The following IGSF10 variants were observed in gnomAD, a reference collection of about 807,000 sequenced individuals.
IGSF10 encodes the protein calvaria mechanical force protein 608.
In IGSF10, 126 loss-of-function variants were observed where a neutral mutation model predicts 128.2. The observed-to-expected ratio is 0.98, with a 90% CI of 0.85 to 1.14. The LOEUF is 1.14. Among genes scored for constraint, IGSF10 ranks in the 50% most tolerant of loss-of-function variants. IGSF10 has a pLI of 0.00. For synonymous variants in IGSF10, 1,185 were observed against 1,146.2 expected (o/e 1.03, Z -0.68); for missense variants, 3,295 against 3,149.8 (o/e 1.05, Z -1.10).
the IGSF10 span, among the ~76,000 whole-genome samples, chr3:151,521,309 C>T: frequency 1.8e-3 from 279 of 151,564 alleles, no homozygotes; most frequent in Non-Finnish European, 3.4e-3. Context: ...ATTAGATCAC[C>T]GAGTCAGAAA....
the IGSF10 span, among the ~76,000 whole-genome samples, chr3:151,598,375 T>C: frequency 6.6e-6 from 1 of 152,168 alleles, no homozygotes; most frequent in Admixed American, 6.5e-5. Flanking sequence ...AAGAGAAAAC[T>C]CTTGATTGTT....
At chr3:151,435,882 G>A (rs1720117590), downstream of IGSF10, 1 of 151,814 alleles carries the variant, frequency 6.6e-6, no homozygotes, top group South Asian at 2.1e-4. Context: ...AAGAATTAAT[G>A]AAATGAAATG....
At chr3:151,554,459 C>T in the IGSF10 span, among the ~76,000 whole-genome samples, 2 of 149,284 alleles carry the variant, frequency 1.3e-5, no homozygotes, top group African/African-American at 5.2e-5. Context: ...CAATTTTTGC[C>T]AAAGCGATTT....
At chr3:151,471,756 T>C in the IGSF10 span, among the ~76,000 whole-genome samples, 1 of 152,326 alleles carries the variant, frequency 6.6e-6, no homozygotes, top group South Asian at 2.1e-4. Context: ...TTGAAGCTCA[T>C]ACTTGTAGAA....
chr3:151,534,801 A>ATGTGTGTGTG, the IGSF10 span, among the ~76,000 whole-genome samples: 107 of 149,182 alleles, frequency 7.2e-4, 1 homozygote, highest in Middle Eastern at 6.8e-3. Flanking sequence ...TTTAAAGTGT[A>ATGTGTGTGTG]TGTGTGTGTG....
At chr3:151,511,574 C>A in the IGSF10 span, among the ~76,000 whole-genome samples, 1 of 152,082 alleles carries the variant, frequency 6.6e-6, no homozygotes, top group Non-Finnish European at 1.5e-5. Context: ...GCAAAATCAC[C>A]AGCTAACATC....
the IGSF10 span, among the ~76,000 whole-genome samples, chr3:151,572,815 G>T: frequency 3.7e-4 from 57 of 152,218 alleles, no homozygotes; most frequent in African/African-American, 1.3e-3. Flanking sequence ...TGATGTTAGG[G>T]TATTGATTTT....
At chr3:151,510,469 G>A in the IGSF10 span, among the ~76,000 whole-genome samples, 9 of 152,050 alleles carry the variant, frequency 5.9e-5, no homozygotes, top group Admixed American at 1.3e-4. Context: ...CCATCTGTAC[G>A]TCACCATCAA....
chr3:151,534,529 T>C, the IGSF10 span, among the ~76,000 whole-genome samples: 1 of 151,996 alleles, frequency 6.6e-6, no homozygotes, highest in Non-Finnish European at 1.5e-5. Flanking sequence ...CTGGAAACCA[T>C]CATTCTCAGC....
the IGSF10 span, among the ~76,000 whole-genome samples, chr3:151,467,599 G>T: frequency 1.3e-5 from 2 of 152,110 alleles, no homozygotes; most frequent in Non-Finnish European, 2.9e-5. Context: ...TAGAAAAATG[G>T]CTGAGCCGGG....
At chr3:151,561,368 C>G in the IGSF10 span, among the ~76,000 whole-genome samples, 1 of 152,150 alleles carries the variant, frequency 6.6e-6, no homozygotes, top group Non-Finnish European at 1.5e-5. Context: ...CAGAAACATA[C>G]TATTTCCTCT....
At chr3:151,463,540 T>TTTG (rs1722155466), upstream of IGSF10, among the ~76,000 whole-genome samples, 1 of 109,276 alleles carries the variant, frequency 9.2e-6, no homozygotes, top group Non-Finnish European at 1.8e-5. Context: ...TTTTTTTTTT[T>TTTG]TTTTTTTTTT....
the IGSF10 span, among the ~76,000 whole-genome samples, chr3:151,577,438 T>G: frequency 2.6e-5 from 4 of 152,188 alleles, no homozygotes; most frequent in Non-Finnish European, 5.9e-5. Flanking sequence ...CATTTTTACA[T>G]GAGCTTTATG....
Position 151,438,302 on chromosome 3 carries a change from C to T in IGSF10, c.6259G>A (p.Asp2087Asn), listed in dbSNP as rs201909176. The part of the protein sequence containing the change: ...GTMINNAMQA[D>N]DSGHRTRRYT... Reference sequence around the variant, plus strand: ...CTCCTAGTCCTGTGGCCACTGTCATCGGCTTGCATTGCATTGTTGATCATG... The same window carrying T: ...CTCCTAGTCCTGTGGCCACTGTCATTGGCTTGCATTGCATTGTTGATCATG... The change falls in exon 8 of 8, where the codon GAT becomes AAT. Residue 2087 changes from aspartate (D) to asparagine (N), a missense_variant. Transcript: ENST00000282466. 9.3e-6 allele frequency: 15 copies of T among 1,614,072 alleles called. No individual in the cohort carries two copies. Among genetic ancestry groups the T allele is most frequent in the South Asian group, 8.8e-5 (8 of 91,080 alleles).
At chr3:151,515,418 A>G in the IGSF10 span, among the ~76,000 whole-genome samples, 2 of 137,742 alleles carry the variant, frequency 1.5e-5, no homozygotes, top group South Asian at 2.3e-4. Flanking sequence ...GAATTGAACA[A>G]TGAGAACACA....
chr3:151,553,098 C>A, the IGSF10 span, among the ~76,000 whole-genome samples: 1 of 151,898 alleles, frequency 6.6e-6, no homozygotes, highest in Non-Finnish European at 1.5e-5. Flanking sequence ...ATAAATATAC[C>A]TTTCTAATAC....
At chr3:151,579,909 A>AGGAAGGAAGGAG in the IGSF10 span, among the ~76,000 whole-genome samples, 1 of 151,940 alleles carries the variant, frequency 6.6e-6, no homozygotes, top group African/African-American at 2.4e-5. Context: ...GAAGGAAGGA[A>AGGAAGGAAGGAG]GGAAGGAAGG....
At chr3:151,451,789 A>C (rs768962197) in intron 5 of IGSF10, among the ~76,000 whole-genome samples, 5 of 152,244 alleles carry the variant, frequency 3.3e-5, no homozygotes, top group Non-Finnish European at 7.3e-5. Context: ...TAGCATAAAA[A>C]CAGGTTGTCA....
chr3:151,449,415 G>A (rs1341998255), intron 5 of IGSF10, 150 bp from the exon 6 acceptor site: 1 of 746,064 alleles, frequency 1.3e-6, no homozygotes, highest in Non-Finnish European at 2.1e-6. Context: ...TTCTGAATTT[G>A]ATTTTTTAAA....
Sources: allele counts gnomAD v4.1 joint callset (sites outside exome capture counted in the v4.1 genomes callset), GRCh38; gene constraint gnomAD v4.1.1; transcripts MANE v1.5; gene names NCBI Gene and HGNC (gene_info 2026-07-23, HGNC 2026-07-21).